The following NEUROG2 variants were observed in gnomAD, a reference collection of about 807,000 sequenced individuals.
NEUROG2 encodes the protein neurogenin-2.
A neutral mutation model predicts 2.8 loss-of-function variants in NEUROG2; 1 was observed. The observed-to-expected ratio is 0.36, with a 90% CI of 0.13 to 1.71. NEUROG2 has a LOEUF of 1.71. NEUROG2 is among the 40% of genes most tolerant of loss of function. The pLI is 0.34. For synonymous variants in NEUROG2, 211 were observed against 187.7 expected, an observed-to-expected ratio of 1.12 and a Z score of -1.01; for missense variants, 397 against 392.7, an observed-to-expected ratio of 1.01 and a Z score of -0.09.
chr4:112,515,723 C>A (rs932805478), intron 1 of NEUROG2, 124 bp downstream of exon 1: 6 of 340,484 alleles, frequency 1.8e-5, no homozygotes, highest in African/African-American at 4.3e-5. Flanking sequence ...TGCGTTCCCT[C>A]CCCGAGAAGG....
intron 1 of NEUROG2, 150 bp from the exon 2 acceptor site, chr4:112,515,626 G>A: frequency 1.7e-6 from 1 of 580,212 alleles, no homozygotes; most frequent in Non-Finnish European, 2.7e-6. Flanking sequence ...AGAAACCCAG[G>A]CAGTGCTAAC....
chr4:112,515,304 C>T lies in NEUROG2; in HGVS notation c.172G>A (p.Glu58Lys). The T allele has an allele frequency of 7.2e-7, 1 of 1,389,306 alleles. No individual in the cohort carries two copies. The highest frequency in any genetic ancestry group is 1.8e-5 in the South Asian group (1 of 56,038). The allele number at this position is 1,389,306 out of a possible 1,614,324, so 86.1% of individuals were successfully genotyped here. ...SGGARRQRGA[E>K]AGQGARGGVA... The stretch of plus-strand genomic sequence containing the variant: ...CCGCCCCGCGCCCCCTGCCCGGCCT[C>T]AGCCCCGCGCTGCCGACGCGCCCCG... The change falls in exon 2 of 2, where the codon GAG becomes AAG. Residue 58 changes from glutamate (E) to lysine (K), a missense_variant. Coordinates refer to ENST00000313341, the MANE Select transcript of NEUROG2 (RefSeq NM_024019.4).
In NEUROG2 at chr4:112,515,099, T is replaced by C. The variant is rs1736401279; in HGVS notation, c.377A>G (p.His126Arg). The C allele has an allele frequency of 6.2e-7, 1 of 1,613,982 alleles. No individual in the cohort carries two copies. Among genetic ancestry groups the C allele is most frequent in the Non-Finnish European group, 8.5e-7 (1 of 1,179,924 alleles). Reference protein sequence around the residue: ...KANNRERNRMHNLNAALDALR... With the variant: ...KANNRERNRMRNLNAALDALR... ...CGCGTCCAGTGCCGCGTTGAGGTTG[T>C]GCATGCGGTTTCGCTCGCGGTTGTT... The change falls in exon 2 of 2, where the codon CAC becomes CGC. Residue 126 changes from histidine (H) to arginine (R), a missense_variant. Coordinates refer to ENST00000313341, the MANE Select transcript of NEUROG2 (RefSeq NM_024019.4).
Position 112,514,402 on chromosome 4 carries a change from C to A in NEUROG2, c.*255G>T. On this transcript the variant is annotated 3_prime_UTR_variant, in exon 2 of 2. Coordinates refer to ENST00000313341, the MANE Select transcript of NEUROG2 (RefSeq NM_024019.4). ...AGGGTCTTTTTCGTCTCAAGAAGCG[C>A]CCCCAAAACGCCACCCTTGGCTTTG... 1 of 390,426 alleles carries A rather than the reference C, an allele frequency of 2.6e-6. No homozygotes were observed. Among genetic ancestry groups the A allele is most frequent in the Non-Finnish European group, 4.5e-6 (1 of 222,384 alleles). 24.2% of individuals were successfully genotyped at this position (390,426 alleles called of 1,614,324 possible).
chr4:112,514,380 G>C lies in NEUROG2; in HGVS notation c.*277C>G. 1 of 371,490 alleles carries C rather than the reference G, an allele frequency of 2.7e-6. No individual in the cohort carries two copies. Among genetic ancestry groups the C allele is most frequent in the East Asian group, 4.1e-5 (1 of 24,594 alleles). 23.0% of individuals were successfully genotyped at this position (371,490 alleles called of 1,614,324 possible). On this transcript the variant is annotated 3_prime_UTR_variant, in exon 2 of 2. Coordinates refer to ENST00000313341, the MANE Select transcript of NEUROG2 (RefSeq NM_024019.4). Reference sequence around the variant, plus strand: ...TATGCCACCATCATCTCTTCCCAGGGTCTTTTTCGTCTCAAGAAGCGCCCC... The same window carrying C: ...TATGCCACCATCATCTCTTCCCAGGCTCTTTTTCGTCTCAAGAAGCGCCCC...
Position 112,515,153 on chromosome 4 carries a change from C to G in NEUROG2, c.323G>C (p.Arg108Pro). Reference sequence around the variant, plus strand: ...CTTCAGTCTACGGGTCTTCTTGATGCGCTGCACCGTCTCGGCCGTCTTGGC... The same window carrying G: ...CTTCAGTCTACGGGTCTTCTTGATGGGCTGCACCGTCTCGGCCGTCTTGGC... ...RGAKTAETVQ[R>P]IKKTRRLKAN... is the part of the protein sequence containing the mutation. The change falls in exon 2 of 2, where the codon CGC becomes CCC. Residue 108 changes from arginine to proline, a missense_variant. Coordinates refer to ENST00000313341, the MANE Select transcript of NEUROG2 (RefSeq NM_024019.4). 2 of 1,613,592 alleles carry G rather than the reference C, an allele frequency of 1.2e-6. No homozygotes were observed. Among genetic ancestry groups the G allele is most frequent in the Middle Eastern group, 3.3e-4 (2 of 6,062 alleles).
At position 112,515,335 on chromosome 4, in the gene NEUROG2, C is replaced by G; in HGVS notation, c.141G>C (p.Ala47=). ...ADEEEEEEPG[A]SGGARRQRGA... ...CGCGCTGCCGACGCGCCCCGCCTGA[C>G]GCGCCCGGCTCCTCCTCCTCTTCTT... The change falls in exon 2 of 2, where the codon GCG becomes GCC. Residue 47 remains alanine, a synonymous_variant. Transcript: ENST00000313341. The G allele has an allele frequency of 6.9e-7, 1 of 1,442,456 alleles. No individual in the cohort carries two copies. Among genetic ancestry groups the G allele is most frequent in the Non-Finnish European group, 9.1e-7 (1 of 1,102,062 alleles). The allele number at this position is 1,442,456 out of a possible 1,614,324, so 89.4% of individuals were successfully genotyped here.
chr4:112,515,386 C>T lies in NEUROG2; in HGVS notation c.90G>A (p.Leu30=). The T allele has an allele frequency of 6.6e-7, 1 of 1,525,230 alleles. No homozygotes were observed. The highest frequency in any genetic ancestry group is 2.1e-5 in the Admixed American group (1 of 48,448). 94.5% of individuals were successfully genotyped at this position (1,525,230 alleles called of 1,614,324 possible). The change falls in exon 2 of 2, where the codon CTG becomes CTA. Residue 30 remains leucine (L), a synonymous_variant. Transcript: ENST00000313341. The stretch of plus-strand genomic sequence containing the variant: ...CGTCGGCGCTGGATGACAGCGGGGT[C>T]AGGGCCGCCAAGGCGGGGGAGGCCG... The part of the protein sequence containing the change: ...LGSASPALAA[L]TPLSSSADEE...
At chr4:112,515,649 C>A (rs945619640) in intron 1 of NEUROG2, 173 bp from the exon 2 acceptor site, 1 of 458,840 alleles carries the variant, frequency 2.2e-6, no homozygotes, top group South Asian at 5.0e-5. Flanking sequence ...AGGTCAGGAG[C>A]GCCGCTAGCG....
Position 112,515,419 on chromosome 4 carries a change from C to T in NEUROG2, c.57G>A (p.Leu19=). The part of the protein sequence containing the change: ...ELKEEEDVLV[L]LGSASPALAA... The stretch of plus-strand genomic sequence containing the variant: ...CCAAGGCGGGGGAGGCCGATCCGAG[C>T]AGCACTAACACGTCCTCTTCCTCCT... Residue 19 remains leucine, a synonymous_variant, in exon 2 of 2, where the codon CTG becomes CTA. Transcript: ENST00000313341. 3 of 1,526,514 alleles carry T rather than the reference C, an allele frequency of 2.0e-6. No individual in the cohort carries two copies. The highest frequency in any genetic ancestry group is 2.6e-6 in the Non-Finnish European group (3 of 1,149,936). 94.6% of individuals were successfully genotyped at this position (1,526,514 alleles called of 1,614,324 possible). A position where few individuals can be genotyped will look rare whatever the true frequency, so the allele number is the denominator to read the frequency against.
In NEUROG2 at chr4:112,515,319, G is replaced by T. The variant is rs577532757; in HGVS notation, c.157C>A (p.Arg53=). 85 of 1,418,814 alleles carry T rather than the reference G, an allele frequency of 6.0e-5. No homozygotes were observed. In the African/African-American group the frequency reaches 1.2e-3, roughly 20 times the overall value. The allele number at this position is 1,418,814 out of a possible 1,614,324, so 87.9% of individuals were successfully genotyped here. A position where few individuals can be genotyped will look rare whatever the true frequency, so the allele number is the denominator to read the frequency against. The change falls in exon 2 of 2, where the codon CGG becomes AGG. Residue 53 remains arginine (R), a synonymous_variant. Transcript: ENST00000313341. ...TGCCCGGCCTCAGCCCCGCGCTGCC[G>T]ACGCGCCCCGCCTGACGCGCCCGGC... ...EEPGASGGAR[R]QRGAEAGQGA...
rs1420297983 is a variant in NEUROG2 at position 112,513,841 on chromosome 4, CT to C, written c.*815del. 1.3e-5 allele frequency: 2 copies of C among 152,552 alleles called. No homozygotes were observed. Among genetic ancestry groups the C allele is most frequent in the Admixed American group, 1.3e-4 (2 of 15,274 alleles). The allele number at this position is 152,552 out of a possible 1,614,324, so 9.4% of individuals were successfully genotyped here. On this transcript the variant is annotated 3_prime_UTR_variant, in exon 2 of 2. Coordinates refer to ENST00000313341, the MANE Select transcript of NEUROG2 (RefSeq NM_024019.4). ...TTTTCCCTTTTCCTCCACATTTTTC[CT>C]TTTGATAGAGAGTTCAGCCTAAATT... is the stretch of plus-strand genomic sequence containing the variant.
At position 112,515,174 on chromosome 4, in the gene NEUROG2, T is replaced by C. The variant is rs1191015842; in HGVS notation, c.302A>G (p.Lys101Arg). 6.2e-7 allele frequency: 1 copy of C among 1,612,754 alleles called. No homozygotes were observed. The highest frequency in any genetic ancestry group is 2.2e-5 in the East Asian group (1 of 44,838). ...GATGCGCTGCACCGTCTCGGCCGTC[T>C]TGGCGCCTCGGGAGACGGCCCGCGC... ...SRARAVSRGA[K>R]TAETVQRIKK... is the part of the protein sequence containing the mutation. The change falls in exon 2 of 2, where the codon AAG becomes AGG. Residue 101 changes from lysine (K) to arginine (R), a missense_variant. Transcript: ENST00000313341.
At position 112,514,479 on chromosome 4, in the gene NEUROG2, A is replaced by T. The variant is rs1736378885; in HGVS notation, c.*178T>A. The T allele has an allele frequency of 6.4e-6, 3 of 471,880 alleles. No individual in the cohort carries two copies. In the South Asian group the frequency reaches 2.2e-4, roughly 35 times the overall value. 29.2% of individuals were successfully genotyped at this position (471,880 alleles called of 1,614,324 possible). On this transcript the variant is annotated 3_prime_UTR_variant, in exon 2 of 2. Coordinates refer to ENST00000313341, the MANE Select transcript of NEUROG2 (RefSeq NM_024019.4). ...AAATCAGAGCCCGTCTGAATGAAGG[A>T]TACCCAAAGCCAAGAAATGCAAGAA...
At chr4:112,515,777 G>T (rs1160126616) in intron 1 of NEUROG2, 70 bp downstream of exon 1, 3 of 245,628 alleles carry the variant, frequency 1.2e-5, no homozygotes, top group Middle Eastern at 1.2e-3. Flanking sequence ...AGCAGAGGGC[G>T]TGCGGGTGTG....
At position 112,515,244 on chromosome 4, in the gene NEUROG2, G is replaced by T. The variant is rs372175039; in HGVS notation, c.232C>A (p.Arg78=). The T allele has an allele frequency of 2.5e-6, 4 of 1,587,934 alleles. No individual in the cohort carries two copies. The highest frequency in any genetic ancestry group is 3.4e-6 in the Non-Finnish European group (4 of 1,173,930). ...AAGAEGCRPA[R]LLGLVHDCKR... Reference sequence around the variant, plus strand: ...CAATCGTGTACCAGACCCAGCAGCCGTGCGGGCCGGCAGCCCTCCGCACCC... The same window carrying T: ...CAATCGTGTACCAGACCCAGCAGCCTTGCGGGCCGGCAGCCCTCCGCACCC... Residue 78 remains arginine (R), a synonymous_variant, in exon 2 of 2, where the codon CGG becomes AGG. Transcript: ENST00000313341.
chr4:112,513,647 T>C lies in NEUROG2; in HGVS notation c.*1010A>G, dbSNP rs567855224. 1.5e-4 allele frequency: 23 copies of C among 152,796 alleles called. No homozygotes were observed. Among genetic ancestry groups the C allele is most frequent in the Non-Finnish European group, 3.1e-4 (21 of 68,028 alleles). 9.5% of individuals were successfully genotyped at this position (152,796 alleles called of 1,614,324 possible). A position where few individuals can be genotyped will look rare whatever the true frequency, so the allele number is the denominator to read the frequency against. On this transcript the variant is annotated 3_prime_UTR_variant, in exon 2 of 2. Coordinates refer to ENST00000313341, the MANE Select transcript of NEUROG2 (RefSeq NM_024019.4). ...TACATATTTTCCCATGAAAAATTTCTTTATAATAAATAGAAGGGAACACGT... is the reference window on the plus strand; with the variant it reads ...TACATATTTTCCCATGAAAAATTTCCTTATAATAAATAGAAGGGAACACGT...
At chr4:112,515,780 C>T in intron 1 of NEUROG2, 67 bp downstream of exon 1, 1 of 240,160 alleles carries the variant, frequency 4.2e-6, no homozygotes, top group Non-Finnish European at 8.0e-6. Flanking sequence ...AGAGGGCGTG[C>T]GGGTGTGGTT....
In NEUROG2 at chr4:112,514,553, T is replaced by C. The variant is rs1578610622; in HGVS notation, c.*104A>G. The C allele has an allele frequency of 2.2e-6, 2 of 928,718 alleles. No homozygotes were observed. The highest frequency in any genetic ancestry group is 5.8e-5 in the East Asian group (2 of 34,756). The allele number at this position is 928,718 out of a possible 1,614,324, so 57.5% of individuals were successfully genotyped here. A position where few individuals can be genotyped will look rare whatever the true frequency, so the allele number is the denominator to read the frequency against. The stretch of plus-strand genomic sequence containing the variant: ...ACACCTGCCCTGTGAAGTGAGATGG[T>C]TTCCAGGGCGTGGAAAGGAGGGGCA... On this transcript the variant is annotated 3_prime_UTR_variant, in exon 2 of 2. Transcript: ENST00000313341.
Sources: allele counts gnomAD v4.1 joint callset, GRCh38; gene constraint gnomAD v4.1.1; transcripts MANE v1.5; gene names NCBI Gene and HGNC (gene_info 2026-07-23, HGNC 2026-07-21).